CDH8: variants seen among roughly 807,000 people sequenced by gnomAD.
CDH8 encodes the protein cadherin-8.
In CDH8, 17 loss-of-function variants were observed where a neutral mutation model predicts 68.1. That is an observed-to-expected ratio of 0.25 (90% confidence interval 0.17 to 0.37). The LOEUF (loss-of-function observed/expected upper bound fraction) is 0.37. Among genes scored for constraint, CDH8 ranks in the 10% least tolerant of loss-of-function variants. The pLI is 1.00. For missense variants in CDH8, 763 were observed against 999.3 expected, an observed-to-expected ratio of 0.76 and a Z score of 3.19; for synonymous variants, 372 against 365.1, an observed-to-expected ratio of 1.02 and a Z score of -0.21.
At chr16:61,830,723 G>C (rs1484288441) in intron 4 of CDH8, among the ~76,000 whole-genome samples, 4 of 151,644 alleles carry the variant, frequency 2.6e-5, no homozygotes, top group Non-Finnish European at 5.9e-5. Context: ...ACAAGTTAGT[G>C]GTCTCAAGTT....
chr16:61,749,817 A>G (rs1178452921), intron 8 of CDH8, among the ~76,000 whole-genome samples: 3 of 152,094 alleles, frequency 2.0e-5, no homozygotes, highest in East Asian at 1.9e-4. Flanking sequence ...CTCCTTAGCC[A>G]TGATTCCAGA....
At chr16:61,814,404 G>A (rs1042750859) in intron 7 of CDH8, among the ~76,000 whole-genome samples, 4 of 152,156 alleles carry the variant, frequency 2.6e-5, no homozygotes, top group South Asian at 4.1e-4. Flanking sequence ...ATTTTCCCCC[G>A]TAAAGGAATA....
chr16:61,708,017 T>C (rs1964565434), intron 10 of CDH8, among the ~76,000 whole-genome samples: 1 of 152,180 alleles, frequency 6.6e-6, no homozygotes, highest in South Asian at 2.1e-4. Context: ...TCCTTTATTA[T>C]TTTATATAAT....
chr16:62,000,881 A>G lies in CDH8; in HGVS notation c.252+20271T>C, dbSNP rs867665341. On this transcript the variant is annotated intron_variant, in intron 2 of 11. Transcript: ENST00000577390. Reference sequence around the variant, plus strand: ...GTAACACTAGCAGTAACTATAGTTAACAATACTTTATTAATGAATAATAAA... The same window carrying G: ...GTAACACTAGCAGTAACTATAGTTAGCAATACTTTATTAATGAATAATAAA... Among the ~76,000 whole-genome samples, 10 of 152,352 alleles carry G rather than the reference A, an allele frequency of 6.6e-5. 1 individual carries two copies. The South Asian group carries it at 2.1e-3, about 32-fold the overall frequency.
intron 10 of CDH8, among the ~76,000 whole-genome samples, chr16:61,691,371 T>C (rs993430224): frequency 6.6e-6 from 1 of 151,218 alleles, no homozygotes; most frequent in Non-Finnish European, 1.5e-5. Context: ...TTTTTTTTTT[T>C]CCTCAGTTTG....
chr16:61,725,297 T>C (rs1470101296), intron 9 of CDH8: 1 of 150,860 alleles, frequency 6.6e-6, no homozygotes, highest in Non-Finnish European at 1.5e-5. Context: ...ATTAGAACTT[T>C]GAAAACAGTC....
intron 9 of CDH8, 147 bp from the exon 10 acceptor site, chr16:61,714,105 C>T: frequency 4.5e-6 from 3 of 664,336 alleles, no homozygotes; most frequent in Admixed American, 2.6e-5. Context: ...ATGGTTTGTG[C>T]CAAGAATAAG....
chr16:61,799,906 T>C (rs780611264), intron 7 of CDH8, among the ~76,000 whole-genome samples: 23 of 151,748 alleles, frequency 1.5e-4, no homozygotes, highest in East Asian at 9.7e-4. Context: ...TTAACTCTTT[T>C]CCCCCCCCCA....
chr16:61,744,396 G>C (rs1232118339), intron 8 of CDH8, among the ~76,000 whole-genome samples: 1 of 151,916 alleles, frequency 6.6e-6, no homozygotes, highest in African/African-American at 2.4e-5. Flanking sequence ...GTTTACACCT[G>C]AACAACTTTC....
intron 1 of CDH8, among the ~76,000 whole-genome samples, chr16:62,024,205 T>A (rs1190811026): frequency 6.6e-6 from 1 of 151,956 alleles, no homozygotes; most frequent in African/African-American, 2.4e-5. Context: ...TCAGCCTGCT[T>A]GGGGTTTGAG....
At chr16:61,828,865 T>G (rs1450878471) in intron 4 of CDH8, among the ~76,000 whole-genome samples, 1 of 151,868 alleles carries the variant, frequency 6.6e-6, no homozygotes. Context: ...CTGTGGACAT[T>G]CCAAGATGAT....
intron 2 of CDH8, among the ~76,000 whole-genome samples, chr16:61,958,602 G>C (rs1965024958): frequency 6.6e-6 from 1 of 152,126 alleles, no homozygotes; most frequent in Non-Finnish European, 1.5e-5. Flanking sequence ...AAGCCTCCTG[G>C]CTGGAGAATC....
Position 62,021,519 on chromosome 16 carries a change from G to A in CDH8, c.-116C>T, listed in dbSNP as rs769904620. 59 of 1,487,508 alleles carry A rather than the reference G, an allele frequency of 4.0e-5. No individual in the cohort carries two copies. The African/African-American group carries it at 4.9e-4, about 12-fold the overall frequency. 92.1% of individuals were successfully genotyped at this position (1,487,508 alleles called of 1,614,324 possible). On this transcript the variant is annotated 5_prime_UTR_variant, in exon 2 of 12. In the 5' UTR this introduces an upstream ATG that the reference lacks. Transcript: ENST00000577390. ...GAGCATTTACTTACAGCTCTGCCACGTGTCTATAGCACGGGAAACAGACAT... is the reference window on the plus strand; with the variant it reads ...GAGCATTTACTTACAGCTCTGCCACATGTCTATAGCACGGGAAACAGACAT...
At chr16:61,880,501 G>T (rs1429361890) in intron 3 of CDH8, among the ~76,000 whole-genome samples, 1 of 152,194 alleles carries the variant, frequency 6.6e-6, no homozygotes, top group Non-Finnish European at 1.5e-5. Context: ...GCTGGAACTT[G>T]TCATGATCAA....
chr16:61,667,821 T>C (rs1470884686), intron 10 of CDH8: 3 of 152,096 alleles, frequency 2.0e-5, no homozygotes, highest in Non-Finnish European at 4.4e-5. Flanking sequence ...ATTTTACTTA[T>C]GAGGAACAAA....
At chr16:61,980,891 C>T (rs558786945) in intron 2 of CDH8, among the ~76,000 whole-genome samples, 32 of 152,070 alleles carry the variant, frequency 2.1e-4, no homozygotes, top group Non-Finnish European at 4.3e-4. Flanking sequence ...GAAGAAAAAA[C>T]GCCAGATTTG....
chr16:61,963,349 A>G (rs1187681187), intron 2 of CDH8, among the ~76,000 whole-genome samples: 1 of 152,204 alleles, frequency 6.6e-6, no homozygotes, highest in Admixed American at 6.5e-5. Flanking sequence ...TCCATCTACA[A>G]CATTTTTACT....
intron 7 of CDH8, among the ~76,000 whole-genome samples, chr16:61,795,941 T>A (rs1056055100): frequency 6.6e-6 from 1 of 152,078 alleles, no homozygotes; most frequent in African/African-American, 2.4e-5. Context: ...TTTTTAAGAA[T>A]TTTCTCTCCT....
Position 62,013,015 on chromosome 16 carries a change from G to A in CDH8, c.252+8137C>T, listed in dbSNP as rs1028043228. Among the ~76,000 whole-genome samples, 22 of 97,642 alleles carry A rather than the reference G, an allele frequency of 2.3e-4. 8 individuals are homozygous for A. The South Asian group carries it at 4.1e-3, about 18-fold the overall frequency. 64.1% of individuals were successfully genotyped at this position (97,642 alleles called of 152,430 possible). On this transcript the variant is annotated intron_variant, in intron 2 of 11. Coordinates refer to ENST00000577390, the MANE Select transcript of CDH8 (RefSeq NM_001796.5). Reference sequence around the variant, plus strand: ...CACGCCTGTAATCCCAGCACTTTGGGAGGCCGAGGCGGGTGGATCATGAGG... The same window carrying A: ...CACGCCTGTAATCCCAGCACTTTGGAAGGCCGAGGCGGGTGGATCATGAGG...
Sources: gnomAD v4.1 joint callset for allele counts (sites outside exome capture counted in the v4.1 genomes callset) on GRCh38, gnomAD v4.1.1 for gene constraint, MANE v1.5 for transcripts, NCBI Gene and HGNC (gene_info 2026-07-23, HGNC 2026-07-21) for gene names.